The following CDC5L variants were observed in gnomAD, a reference collection of about 807,000 sequenced individuals.
The protein encoded by CDC5L is cell division cycle 5 like, also known as cell division cycle 5-like protein.
A neutral mutation model predicts 104.1 loss-of-function variants in CDC5L; 18 were observed. The observed-to-expected ratio is 0.17, with a 90% CI of 0.12 to 0.26. The LOEUF (loss-of-function observed/expected upper bound fraction) is 0.26, where lower values mean the gene tolerates loss of function less well. Among genes scored for constraint, CDC5L ranks in the 10% least tolerant of loss-of-function variants. The pLI, the probability that CDC5L is intolerant of heterozygous loss-of-function variation, is 1.00. For missense variants in CDC5L, 673 were observed against 956.9 expected, an observed-to-expected ratio of 0.70 and a Z score of 3.91; for synonymous variants, 331 against 322.7, an observed-to-expected ratio of 1.03 and a Z score of -0.28.
intron 5 of CDC5L, among the ~76,000 whole-genome samples, chr6:44,399,414 A>G (rs1791016799): frequency 6.6e-6 from 1 of 152,176 alleles, no homozygotes; most frequent in Non-Finnish European, 1.5e-5. Flanking sequence ...GCCATTATAT[A>G]TCTTCAAATA....
In CDC5L at chr6:44,414,424, GTGTGTGTA is replaced by G. The variant is rs1375036281; in HGVS notation, c.1093-5023_1093-5016del. Among the ~76,000 whole-genome samples the G allele has an allele frequency of 8.9e-5, 7 of 78,942 alleles. No homozygotes were observed. The East Asian group carries it at 1.2e-3, about 14-fold the overall frequency. The allele number at this position is 78,942 out of a possible 152,430, so 51.8% of individuals were successfully genotyped here. A position where few individuals can be genotyped will look rare whatever the true frequency, so the allele number is the denominator to read the frequency against. ...TGTGTGTGTGTGTGTGTGTGTGTGTGTGTGTGTATTTTTTTTTAGAAATAGCTATTCAT... is the reference window on the plus strand; with the variant it reads ...TGTGTGTGTGTGTGTGTGTGTGTGTGTTTTTTTTTAGAAATAGCTATTCAT... On this transcript the variant is annotated intron_variant, in intron 8 of 15. Transcript: ENST00000371477.
chr6:44,420,393 T>C (rs1464203281), intron 9 of CDC5L, among the ~76,000 whole-genome samples: 1 of 151,364 alleles, frequency 6.6e-6, no homozygotes, highest in Non-Finnish European at 1.5e-5. Flanking sequence ...ACTTTTGCTT[T>C]TCTTGCCCAG....
chr6:44,426,750 C>A, intron 13 of CDC5L, 26 bp downstream of exon 13: 1 of 1,607,468 alleles, frequency 6.2e-7, no homozygotes, highest in East Asian at 2.2e-5. Context: ...AATATTTCTT[C>A]TTGAGATTTA....
At chr6:44,444,114 A>G (rs147008434) in intron 14 of CDC5L, among the ~76,000 whole-genome samples, 70 of 152,292 alleles carry the variant, frequency 4.6e-4, no homozygotes, top group African/African-American at 1.6e-3. Context: ...GCATAGATGT[A>G]GCTGGGAAGG....
Position 44,419,560 on chromosome 6 carries a change from G to T in CDC5L, c.1204G>T (p.Val402Leu), listed in dbSNP as rs777633635. The stretch of plus-strand genomic sequence containing the variant: ...AGGTGTAACTCCACAGCGACAAGTT[G>T]TACAGACTCCAAACACAGTTCTCTC... ...FSGVTPQRQVVQTPNTVLSTP... is the reference protein window; with the variant it reads ...FSGVTPQRQVLQTPNTVLSTP... The change falls in exon 9 of 16, where the codon GTA becomes TTA. Residue 402 changes from valine (V) to leucine (L), a missense_variant. Val to Leu is a conservative substitution (Grantham distance 32). Around this residue, in one of 4 missense-constraint regions of CDC5L, gnomAD observed 578 missense variants for 737.0 expected, o/e 0.78. Coordinates refer to ENST00000371477, the MANE Select transcript of CDC5L (RefSeq NM_001253.4). 7.4e-6 allele frequency: 12 copies of T among 1,613,648 alleles called. No individual in the cohort carries two copies. Among genetic ancestry groups the T allele is most frequent in the Middle Eastern group, 1.6e-4 (1 of 6,084 alleles).
chr6:44,401,038 C>A (rs1471579102), intron 5 of CDC5L, among the ~76,000 whole-genome samples: 1 of 152,214 alleles, frequency 6.6e-6, no homozygotes, highest in Non-Finnish European at 1.5e-5. Flanking sequence ...TTGGTATCTC[C>A]ATTAAGTCTG....
intron 8 of CDC5L, among the ~76,000 whole-genome samples, chr6:44,410,048 C>T (rs1211116963): frequency 1.3e-5 from 2 of 151,798 alleles, no homozygotes; most frequent in Non-Finnish European, 2.9e-5. Flanking sequence ...TTAACATGGG[C>T]ATTACTTCAC....
chr6:44,440,242 CT>C lies in CDC5L; in HGVS notation c.2092-5396del, dbSNP rs770556481. Among the ~76,000 whole-genome samples the C allele has an allele frequency of 3.1e-3, 429 of 138,822 alleles. 1 individual carries two copies. The highest frequency in any genetic ancestry group is 0.022 in the South Asian group (95 of 4,342). The allele number at this position is 138,822 out of a possible 152,430, so 91.1% of individuals were successfully genotyped here. ...CCACCTCCCATGGGCTTGACTTAGACTTTTTTTTTTTTTTTTTGAGATGGAA... is the reference window on the plus strand; with the variant it reads ...CCACCTCCCATGGGCTTGACTTAGACTTTTTTTTTTTTTTTTGAGATGGAA... On this transcript the variant is annotated intron_variant, in intron 14 of 15. Coordinates refer to ENST00000371477, the MANE Select transcript of CDC5L (RefSeq NM_001253.4).
chr6:44,389,873 G>T (rs983980696), intron 1 of CDC5L, among the ~76,000 whole-genome samples: 6 of 152,104 alleles, frequency 3.9e-5, no homozygotes, highest in African/African-American at 7.2e-5. Flanking sequence ...TTGAGTGAGT[G>T]TATAAATGAA....
intron 14 of CDC5L, among the ~76,000 whole-genome samples, chr6:44,431,757 A>G (rs1792696770): frequency 6.6e-6 from 1 of 152,202 alleles, no homozygotes; most frequent in African/African-American, 2.4e-5. Flanking sequence ...TGAATTTTAA[A>G]GGGAAAAATA....
rs369335617 is a variant in CDC5L at position 44,406,515 on chromosome 6, T to C, written c.903+48T>C. On this transcript the variant is annotated intron_variant, in intron 7 of 15. Coordinates refer to ENST00000371477, the MANE Select transcript of CDC5L (RefSeq NM_001253.4). ...TTCACTATGTGAATTTATATGCTTA[T>C]ATCATTTATTCAGCAAATGTTTGAA... The C allele has an allele frequency of 6.0e-6, 9 of 1,510,986 alleles. No homozygotes were observed. The Admixed American group carries it at 1.1e-4, about 19-fold the overall frequency. 93.6% of individuals were successfully genotyped at this position (1,510,986 alleles called of 1,614,324 possible). A position where few individuals can be genotyped will look rare whatever the true frequency, so the allele number is the denominator to read the frequency against.
chr6:44,445,381 C>T (rs1055609842), intron 14 of CDC5L, among the ~76,000 whole-genome samples: 4 of 152,260 alleles, frequency 2.6e-5, no homozygotes, highest in South Asian at 2.1e-4. Context: ...TAGTTTTTCC[C>T]ATACTGTGAC....
rs149528659 is a variant in CDC5L, at chr6:44,442,375, T to TTGTGTGTGTG, written c.2092-3254_2092-3245dup. 1.1e-3 allele frequency among the ~76,000 whole-genome samples: 161 copies of TTGTGTGTGTG among 145,112 alleles called. 2 individuals carry two copies. The highest frequency in any genetic ancestry group is 3.8e-3 in the African/African-American group (150 of 39,332). ...TCTCTTGCTTGTGTGTGTGTGTATG[T>TTGTGTGTGTG]TGTGTGTGTGTGTGTGTGTGTGTGT... is the stretch of plus-strand genomic sequence containing the variant. On this transcript the variant is annotated intron_variant, in intron 14 of 15. Coordinates refer to ENST00000371477, the MANE Select transcript of CDC5L (RefSeq NM_001253.4).
chr6:44,411,900 A>G (rs549738820), intron 8 of CDC5L, among the ~76,000 whole-genome samples: 8 of 152,282 alleles, frequency 5.3e-5, no homozygotes, highest in African/African-American at 1.9e-4. Context: ...AATGTGTTTC[A>G]GGGTGTTCAA....
chr6:44,406,940 A>G (rs76913726), intron 7 of CDC5L, among the ~76,000 whole-genome samples: 5 of 152,106 alleles, frequency 3.3e-5, no homozygotes, highest in Admixed American at 6.5e-5. Context: ...ACAAAAAAAA[A>G]CAAAAAAAAC....
chr6:44,438,665 CTTTT>C (rs749816182), intron 14 of CDC5L, among the ~76,000 whole-genome samples: 2 of 106,248 alleles, frequency 1.9e-5, no homozygotes, highest in South Asian at 3.2e-4. Context: ...GAAGTTTTGT[CTTTT>C]TTTTTTTTTT....
intron 14 of CDC5L, among the ~76,000 whole-genome samples, chr6:44,431,108 C>G (rs1197391902): frequency 6.6e-6 from 1 of 152,102 alleles, no homozygotes; most frequent in East Asian, 1.9e-4. Context: ...AGGAAATGAG[C>G]AGGAAAAAGC....
intron 8 of CDC5L, among the ~76,000 whole-genome samples, chr6:44,414,432 ATT>A (rs1234219072): frequency 2.4e-5 from 2 of 83,150 alleles, no homozygotes; most frequent in East Asian, 3.4e-4. Flanking sequence ...GTGTGTGTGT[ATT>A]TTTTTTTAGA....
At chr6:44,446,509 CATG>C (rs1793459761) in intron 15 of CDC5L, 95 bp from the exon 16 acceptor site, 2 of 527,820 alleles carry the variant, frequency 3.8e-6, no homozygotes, top group Non-Finnish European at 6.6e-6. Flanking sequence ...TCTTAAGAAT[CATG>C]ATTTAACTCA....
Sources: gnomAD v4.1 joint callset for allele counts (sites outside exome capture counted in the v4.1 genomes callset) on GRCh38, gnomAD v4.1.1 for gene constraint, gnomAD v4.1.1 regional missense constraint, MANE v1.5 for transcripts, NCBI Gene and HGNC (gene_info 2026-07-23, HGNC 2026-07-21) for gene names.